Variants in PSMA6 observed in about 807,000 individuals in gnomAD.
PSMA6 encodes proteasome 20S subunit alpha 6.
For synonymous variants in PSMA6, 88 were observed against 97.7 expected (o/e 0.90, Z 0.59); for missense variants, 170 against 294.8 (o/e 0.58, Z 3.10).
chr14:35,307,447 A>T (rs541435684), intron 1 of PSMA6, among the ~76,000 whole-genome samples: 27 of 152,292 alleles, frequency 1.8e-4, no homozygotes, highest in African/African-American at 6.5e-4. Flanking sequence ...TTAAACCATT[A>T]TTGGGGCGGG....
At chr14:35,293,785 A>T (rs78426265) in intron 1 of PSMA6, among the ~76,000 whole-genome samples, 22,843 of 152,242 alleles carry the variant, frequency 0.15, 2,114 homozygotes, top group East Asian at 0.36. Context: ...TGAGTTTTAA[A>T]TAATTTTCGT....
chr14:35,294,319 C>T (rs185644584), intron 1 of PSMA6, among the ~76,000 whole-genome samples: 1 of 152,196 alleles, frequency 6.6e-6, no homozygotes, highest in Non-Finnish European at 1.5e-5. Flanking sequence ...GCGTGAGCAC[C>T]GGGCCTAGCA....
At chr14:35,281,800 G>T (rs1223105885) in intron 1 of PSMA6, among the ~76,000 whole-genome samples, 1 of 152,074 alleles carries the variant, frequency 6.6e-6, no homozygotes, top group Non-Finnish European at 1.5e-5. Context: ...ACAGGATCAG[G>T]TTGGTCTTGA....
chr14:35,292,555 G>T lies in PSMA6; in HGVS notation c.76+3G>T, dbSNP rs2051504445. ...CGAGGGTCGGCTCTACCAAGTAGGTGAGTGAACCAGGTTCGCCTGTGGGCC... is the reference window on the plus strand; with the variant it reads ...CGAGGGTCGGCTCTACCAAGTAGGTTAGTGAACCAGGTTCGCCTGTGGGCC... On this transcript the variant is annotated splice_donor_region_variant and intron_variant, in intron 1 of 6. Transcript: ENST00000261479. The T allele has an allele frequency of 6.2e-7, 1 of 1,613,326 alleles. No homozygotes were observed. The highest frequency in any genetic ancestry group is 8.5e-7 in the Non-Finnish European group (1 of 1,179,574).
intron 1 of PSMA6, chr14:35,293,099 G>A (rs1032025230): frequency 9.3e-6 from 4 of 429,850 alleles, no homozygotes; most frequent in Non-Finnish European, 1.4e-5. Flanking sequence ...TTAAACAAAC[G>A]GATAAAAAAA....
chr14:35,312,716 C>T (rs573762217), intron 4 of PSMA6, 165 bp from the exon 5 acceptor site: 61 of 506,146 alleles, frequency 1.2e-4, no homozygotes, highest in Non-Finnish European at 1.9e-4. Context: ...ACCTAATTTA[C>T]CTGTGGTGAT....
chr14:35,297,124 T>G (rs1244339073), intron 1 of PSMA6, among the ~76,000 whole-genome samples: 22 of 139,950 alleles, frequency 1.6e-4, no homozygotes, highest in South Asian at 7.0e-4. Context: ...ACAAAGTTTT[T>G]TTTTTTTTTT....
In PSMA6 at chr14:35,292,469, C is replaced by T. The variant is rs1048990; in HGVS notation, c.-8C>T. 1.2e-6 allele frequency: 2 copies of T among 1,613,030 alleles called. No individual in the cohort carries two copies. The highest frequency in any genetic ancestry group is 2.2e-5 in the East Asian group (1 of 44,840). On this transcript the variant is annotated 5_prime_UTR_variant, in exon 1 of 7. Transcript: ENST00000261479. Reference sequence around the variant, plus strand: ...AGGGATTGTGTTTAAAGTAGTGCTTCTACCAACATGTCCCGTGGTTCCAGC... The same window carrying T: ...AGGGATTGTGTTTAAAGTAGTGCTTTTACCAACATGTCCCGTGGTTCCAGC...
At chr14:35,312,496 G>A (rs2051962743) in intron 4 of PSMA6, among the ~76,000 whole-genome samples, 1 of 126,278 alleles carries the variant, frequency 7.9e-6, no homozygotes. Flanking sequence ...GACAGAGCGA[G>A]AGTCTGTCTC....
intron 1 of PSMA6, among the ~76,000 whole-genome samples, chr14:35,295,433 A>T (rs955778423): frequency 6.6e-6 from 1 of 151,054 alleles, no homozygotes; most frequent in Non-Finnish European, 1.5e-5. Context: ...CAGGGAGTGG[A>T]GAGAAAGACT....
At position 35,314,341 on chromosome 14, in the gene PSMA6, C is replaced by T. The variant is rs779289052; in HGVS notation, c.589-20C>T. ...ATCTCTAAAAAATACTATATTTTAA[C>T]ATTAAATACTTTTTTTCAGACTGCA... On this transcript the variant is annotated intron_variant, in intron 5 of 6. Coordinates refer to ENST00000261479, the MANE Select transcript of PSMA6 (RefSeq NM_002791.3). 1.9e-6 allele frequency: 3 copies of T among 1,585,168 alleles called. No individual in the cohort carries two copies. The African/African-American group carries it at 4.1e-5, about 22-fold the overall frequency.
At chr14:35,293,078 T>C (rs2051518365) in intron 1 of PSMA6, 1 of 447,118 alleles carries the variant, frequency 2.2e-6, no homozygotes. Flanking sequence ...CAGCTTAGAG[T>C]GACAGATACG....
chr14:35,307,317 G>A (rs2051847355), intron 1 of PSMA6, among the ~76,000 whole-genome samples: 1 of 152,116 alleles, frequency 6.6e-6, no homozygotes, highest in South Asian at 2.1e-4. Flanking sequence ...ATTAAGTCTA[G>A]AAAAAATTTA....
chr14:35,293,491 G>A (rs1222586649), intron 1 of PSMA6, among the ~76,000 whole-genome samples: 1 of 152,194 alleles, frequency 6.6e-6, no homozygotes, highest in African/African-American at 2.4e-5. Context: ...TAGTGGCTCC[G>A]TGTCTTGCAC....
intron 4 of PSMA6, among the ~76,000 whole-genome samples, chr14:35,311,508 C>G (rs987876369): frequency 6.6e-6 from 1 of 152,148 alleles, no homozygotes; most frequent in South Asian, 2.1e-4. Flanking sequence ...TGACTTCTCA[C>G]TTAAAAATTA....
At chr14:35,313,080 T>C (rs2051975174) in intron 5 of PSMA6, 21 bp downstream of exon 5, 1 of 1,553,240 alleles carries the variant, frequency 6.4e-7, no homozygotes, top group Admixed American at 2.4e-5. Context: ...CAAAAGGAGC[T>C]GACTTTTTTT....
At chr14:35,293,006 G>A in intron 1 of PSMA6, 1 of 458,216 alleles carries the variant, frequency 2.2e-6, no homozygotes, top group South Asian at 1.5e-5. Context: ...CTATATACCA[G>A]ACACTGCTAG....
chr14:35,292,268 C>T (rs1224488709), upstream of PSMA6: 18 of 1,376,510 alleles, frequency 1.3e-5, no homozygotes, highest in Non-Finnish European at 1.7e-5. Context: ...CAAAGGCCTC[C>T]CGCCCTCACT....
At chr14:35,307,924 T>C (rs1341774815) in intron 1 of PSMA6, 70 bp from the exon 2 acceptor site, 3 of 1,418,918 alleles carry the variant, frequency 2.1e-6, no homozygotes, top group Non-Finnish European at 2.9e-6. Context: ...TTCTTTTTAA[T>C]GACTATTATT....
Sources: gnomAD v4.1 joint callset for allele counts (sites outside exome capture counted in the v4.1 genomes callset) on GRCh38, gnomAD v4.1.1 for gene constraint, MANE v1.5 for transcripts, NCBI Gene and HGNC (gene_info 2026-07-23, HGNC 2026-07-21) for gene names.